Variants in SLC35D2 observed in about 807,000 individuals in gnomAD.
The protein encoded by SLC35D2 is solute carrier family 35 member D2.
In SLC35D2, 43 loss-of-function variants were observed where a neutral mutation model predicts 41.8. The ratio of observed to expected loss-of-function variants is 1.03; its 90% CI spans 0.81 to 1.33. The LOEUF is 1.33. SLC35D2 is among the 40% of genes most tolerant of loss of function. The pLI is 0.00. For synonymous variants in SLC35D2, 150 were observed against 163.9 expected (o/e 0.92, Z 0.65); for missense variants, 380 against 408.4 (o/e 0.93, Z 0.60).
At chr9:96,322,866 T>A (rs1206299981) in intron 10 of SLC35D2, among the ~76,000 whole-genome samples, 1 of 151,904 alleles carries the variant, frequency 6.6e-6, no homozygotes, top group African/African-American at 2.4e-5. Flanking sequence ...TACAGGGCAC[T>A]CACCACCACG....
intron 11 of SLC35D2, among the ~76,000 whole-genome samples, chr9:96,315,188 T>C (rs1372920406): frequency 2.0e-5 from 3 of 152,048 alleles, no homozygotes; most frequent in Non-Finnish European, 4.4e-5. Context: ...GGTGCAATCA[T>C]GGCTCACTGC....
intron 4 of SLC35D2, among the ~76,000 whole-genome samples, chr9:96,355,650 A>C (rs1829993960): frequency 6.6e-6 from 1 of 151,632 alleles, no homozygotes; most frequent in South Asian, 2.1e-4. Context: ...GTATCCACCA[A>C]CACACCCAGC....
At chr9:96,357,115 T>A (rs1167168883) in intron 4 of SLC35D2, among the ~76,000 whole-genome samples, 1 of 150,956 alleles carries the variant, frequency 6.6e-6, no homozygotes, top group African/African-American at 2.4e-5. Context: ...GAGGTGGAGG[T>A]TGCGGTGAGC....
At chr9:96,369,915 CCT>C (rs1830612179) in intron 1 of SLC35D2, among the ~76,000 whole-genome samples, 1 of 152,104 alleles carries the variant, frequency 6.6e-6, no homozygotes, top group Admixed American at 6.6e-5. Flanking sequence ...AAAGAATAAA[CCT>C]AACTTATCAG....
At chr9:96,334,173 G>A (rs1828945535) in intron 9 of SLC35D2, among the ~76,000 whole-genome samples, 1 of 152,114 alleles carries the variant, frequency 6.6e-6, no homozygotes, top group Non-Finnish European at 1.5e-5. Context: ...GAGGAAGTTT[G>A]GCTTGGGGCC....
intron 4 of SLC35D2, among the ~76,000 whole-genome samples, chr9:96,354,192 C>T (rs565754100): frequency 1.3e-5 from 2 of 152,298 alleles, no homozygotes; most frequent in African/African-American, 4.8e-5. Context: ...TGTTTTCCGC[C>T]TATGATTAGG....
At position 96,356,977 on chromosome 9, in the gene SLC35D2, T is replaced by A. The variant is rs12555761; in HGVS notation, c.347+3177A>T. On this transcript the variant is annotated intron_variant, in intron 4 of 11. Coordinates refer to ENST00000253270, the MANE Select transcript of SLC35D2 (RefSeq NM_007001.3). ...CAGATGGATCACCTGAGGTCAGGAGTTCGAGACCAGCCTCAACATGGAGAA... is the reference window on the plus strand; with the variant it reads ...CAGATGGATCACCTGAGGTCAGGAGATCGAGACCAGCCTCAACATGGAGAA... 5.1e-3 allele frequency among the ~76,000 whole-genome samples: 779 copies of A among 151,942 alleles called. 12 individuals carry two copies. The highest frequency in any genetic ancestry group is 0.045 in the Admixed American group (687 of 15,266).
intron 8 of SLC35D2, among the ~76,000 whole-genome samples, chr9:96,337,886 G>A (rs1829120800): frequency 6.6e-6 from 1 of 150,586 alleles, no homozygotes; most frequent in Admixed American, 6.7e-5. Flanking sequence ...AGGGGCTGAG[G>A]CAGGAGAATC....
At chr9:96,324,521 C>A (rs950573779) in intron 9 of SLC35D2, among the ~76,000 whole-genome samples, 5 of 148,954 alleles carry the variant, frequency 3.4e-5, no homozygotes, top group African/African-American at 1.2e-4. Context: ...AGTTTTTAAT[C>A]CTCTGTGCCT....
chr9:96,371,337 A>G (rs1214968209), intron 1 of SLC35D2, among the ~76,000 whole-genome samples: 1 of 151,792 alleles, frequency 6.6e-6, no homozygotes, highest in Non-Finnish European at 1.5e-5. Flanking sequence ...GTGGTGGCAC[A>G]CACTGGTAAT....
At chr9:96,375,143 C>A (rs866271368) in intron 1 of SLC35D2, among the ~76,000 whole-genome samples, 53 of 151,522 alleles carry the variant, frequency 3.5e-4, no homozygotes, top group Middle Eastern at 3.4e-3. Context: ...AAGCGCCCAC[C>A]ACGATGCCCG....
rs1054571343 is a variant in SLC35D2 at position 96,375,137 on chromosome 9, G to A, written c.159-6832C>T. 5.3e-5 allele frequency among the ~76,000 whole-genome samples: 8 copies of A among 150,826 alleles called. No individual in the cohort carries two copies. In the East Asian group the frequency reaches 1.0e-3, roughly 19 times the overall value. ...CTCCCAAGTAGCTGGGATTACAAGC[G>A]CCCACCACGATGCCCGGCTAATTTT... On this transcript the variant is annotated intron_variant, in intron 1 of 11. Coordinates refer to ENST00000253270, the MANE Select transcript of SLC35D2 (RefSeq NM_007001.3).
chr9:96,354,766 C>CAA (rs59013884), intron 4 of SLC35D2, among the ~76,000 whole-genome samples: 1,598 of 46,260 alleles, frequency 0.035, 232 homozygotes, highest in Middle Eastern at 0.056. Context: ...GACTCCATCT[C>CAA]AAAAAAAAAA....
rs192091077 is a variant in SLC35D2, at chr9:96,368,701, T to A, written c.159-396A>T. Among the ~76,000 whole-genome samples the A allele has an allele frequency of 1.5e-3, 217 of 149,260 alleles. 1 individual carries two copies. The highest frequency in any genetic ancestry group is 4.8e-3 in the African/African-American group (197 of 40,884). On this transcript the variant is annotated intron_variant, in intron 1 of 11. Coordinates refer to ENST00000253270, the MANE Select transcript of SLC35D2 (RefSeq NM_007001.3). ...ATACACACACACATATATATATGTG[T>A]ATATTATATATATATTATATATATT...
chr9:96,321,346 A>G lies in SLC35D2; in HGVS notation c.915-5T>C, dbSNP rs749103836. 3 of 1,607,138 alleles carry G rather than the reference A, an allele frequency of 1.9e-6. No homozygotes were observed. The highest frequency in any genetic ancestry group is 2.6e-6 in the Non-Finnish European group (3 of 1,175,924). ...TATCTCAAGCCCCCTGCCATGCTGA[A>G]AGGAGAAAAAAAAGTGAAAATAAAT... is the stretch of plus-strand genomic sequence containing the variant. On this transcript the variant is annotated splice_region_variant and splice_polypyrimidine_tract_variant and intron_variant, in intron 11 of 11. Transcript: ENST00000253270.
chr9:96,315,940 G>A (rs939061603), downstream of SLC35D2, among the ~76,000 whole-genome samples: 20 of 152,140 alleles, frequency 1.3e-4, no homozygotes, highest in Middle Eastern at 3.2e-3. Context: ...AACCAATGGA[G>A]GGTCTAACAA....
At chr9:96,333,765 C>T (rs577761942) in intron 9 of SLC35D2, among the ~76,000 whole-genome samples, 34 of 152,080 alleles carry the variant, frequency 2.2e-4, no homozygotes, top group Non-Finnish European at 3.4e-4. Flanking sequence ...AATGGTTAAA[C>T]GGTGAAGTGC....
At chr9:96,371,655 A>G (rs1331427803) in intron 1 of SLC35D2, among the ~76,000 whole-genome samples, 1 of 151,118 alleles carries the variant, frequency 6.6e-6, no homozygotes, top group Non-Finnish European at 1.5e-5. Context: ...TTGAAAGTCA[A>G]TAATTCTTTC....
intron 1 of SLC35D2, among the ~76,000 whole-genome samples, chr9:96,373,519 T>A: frequency 6.6e-6 from 1 of 151,878 alleles, no homozygotes. Flanking sequence ...AAACCCCATC[T>A]CTACTGAAAA....
Sources: gnomAD v4.1 joint callset for allele counts (sites outside exome capture counted in the v4.1 genomes callset) on GRCh38, gnomAD v4.1.1 for gene constraint, MANE v1.5 for transcripts, NCBI Gene and HGNC (gene_info 2026-07-23, HGNC 2026-07-21) for gene names.